Variants in PTPN1 observed in about 807,000 individuals in gnomAD.
The protein encoded by PTPN1 is protein tyrosine phosphatase non-receptor type 1, also known as tyrosine-protein phosphatase non-receptor type 1.
PTPN1 carries 12 observed loss-of-function variants against 59.9 expected under a neutral mutation model. That is an observed-to-expected ratio of 0.20 (90% CI 0.13 to 0.32). The LOEUF (loss-of-function observed/expected upper bound fraction) is 0.32. Ranked by LOEUF, PTPN1 falls within the 10% of genes least tolerant of loss-of-function variation. The pLI is 1.00. For missense variants in PTPN1, 356 were observed against 549.2 expected (o/e 0.65, Z 3.52); for synonymous variants, 178 against 203.6 (o/e 0.87, Z 1.07).
chr20:50,541,070 G>A (rs1220588041), intron 1 of PTPN1, among the ~76,000 whole-genome samples: 1 of 152,110 alleles, frequency 6.6e-6, no homozygotes, highest in Non-Finnish European at 1.5e-5. Flanking sequence ...AAAACAGTGC[G>A]ACCTGCAGGA....
At chr20:50,527,735 C>T (rs1019431992) in intron 1 of PTPN1, among the ~76,000 whole-genome samples, 2 of 152,200 alleles carry the variant, frequency 1.3e-5, no homozygotes, top group African/African-American at 2.4e-5. Flanking sequence ...TAATGCAGTT[C>T]AGTGTGGTAG....
chr20:50,534,730 C>CTT (rs113246580), intron 1 of PTPN1, among the ~76,000 whole-genome samples: 2 of 148,424 alleles, frequency 1.3e-5, no homozygotes, highest in African/African-American at 4.9e-5. Context: ...AATCCTTATC[C>CTT]TTTTTTTTTT....
chr20:50,538,276 G>A (rs1030686775), intron 1 of PTPN1, among the ~76,000 whole-genome samples: 7 of 151,884 alleles, frequency 4.6e-5, no homozygotes, highest in Non-Finnish European at 8.8e-5. Context: ...AGTATTTGGA[G>A]TTGAGAAAGC....
intron 1 of PTPN1, among the ~76,000 whole-genome samples, chr20:50,519,880 G>A (rs1328848375): frequency 6.6e-6 from 1 of 152,090 alleles, no homozygotes; most frequent in Non-Finnish European, 1.5e-5. Context: ...AAGTATGTTA[G>A]GTTATTTGTG....
At chr20:50,513,823 A>G (rs749316412) in intron 1 of PTPN1, among the ~76,000 whole-genome samples, 12 of 152,196 alleles carry the variant, frequency 7.9e-5, no homozygotes, top group Non-Finnish European at 1.3e-4. Flanking sequence ...TTTAAATACT[A>G]TTTTCTTCAG....
chr20:50,547,713 G>C (rs191014556), intron 1 of PTPN1, among the ~76,000 whole-genome samples: 54 of 152,280 alleles, frequency 3.5e-4, no homozygotes, highest in Admixed American at 3.3e-3. Flanking sequence ...TGCTTTCACT[G>C]ACAACAGTAT....
chr20:50,524,099 A>G (rs555249461), intron 1 of PTPN1, among the ~76,000 whole-genome samples: 1 of 152,250 alleles, frequency 6.6e-6, no homozygotes, highest in East Asian at 1.9e-4. Flanking sequence ...CATTACTTTT[A>G]ACCTCGACTG....
intron 1 of PTPN1, among the ~76,000 whole-genome samples, chr20:50,524,369 CA>C (rs553071668): frequency 1.7e-4 from 25 of 151,426 alleles, no homozygotes; most frequent in African/African-American, 3.6e-4. Context: ...TTGATTTGTA[CA>C]AAAAAAATTA....
intron 1 of PTPN1, among the ~76,000 whole-genome samples, chr20:50,537,366 CAG>C (rs976181714): frequency 2.0e-5 from 3 of 151,970 alleles, no homozygotes; most frequent in East Asian, 3.9e-4. Flanking sequence ...AAAAATAAAA[CAG>C]AGAGATCCCA....
chr20:50,576,500 T>C (rs2082837402), intron 5 of PTPN1, among the ~76,000 whole-genome samples: 1 of 152,210 alleles, frequency 6.6e-6, no homozygotes, highest in Non-Finnish European at 1.5e-5. Flanking sequence ...AGGGTGTCAG[T>C]GGGCGGTAAC....
At position 50,514,156 on chromosome 20, in the gene PTPN1, T is replaced by A. The variant is rs983229445; in HGVS notation, c.63+3566T>A. On this transcript the variant is annotated intron_variant, in intron 1 of 9. Coordinates refer to ENST00000371621, the MANE Select transcript of PTPN1 (RefSeq NM_002827.4). ...GACATCACTGGCATATTTATAGGAA[T>A]ACTTTGGTGTTTTTGGAAGTAAGTA... Among the ~76,000 whole-genome samples the A allele has an allele frequency of 2.0e-5, 3 of 152,260 alleles. No individual in the cohort carries two copies. The East Asian group carries it at 5.8e-4, about 29-fold the overall frequency.
At chr20:50,571,898 G>A (rs1015575640) in intron 4 of PTPN1, 24 of 152,172 alleles carry the variant, frequency 1.6e-4, no homozygotes, top group African/African-American at 5.6e-4. Context: ...TAAAGCTGCC[G>A]TTTGCTTTCA....
At chr20:50,514,363 G>C (rs1049231239) in intron 1 of PTPN1, among the ~76,000 whole-genome samples, 1 of 152,180 alleles carries the variant, frequency 6.6e-6, no homozygotes, top group African/African-American at 2.4e-5. Flanking sequence ...TTTCACAGTG[G>C]AAATGAATAA....
intron 2 of PTPN1, among the ~76,000 whole-genome samples, chr20:50,564,309 C>T (rs1471564740): frequency 6.6e-6 from 1 of 152,122 alleles, no homozygotes; most frequent in Non-Finnish European, 1.5e-5. Context: ...AAGTTTATGT[C>T]AGCCAGGCAT....
chr20:50,511,918 TAGAA>T (rs746950184), intron 1 of PTPN1, among the ~76,000 whole-genome samples: 2 of 152,176 alleles, frequency 1.3e-5, no homozygotes, highest in Non-Finnish European at 2.9e-5. Flanking sequence ...GAGCTCCGCT[TAGAA>T]AGGAAAAAAG....
At chr20:50,566,564 A>G (rs2082779925) in intron 3 of PTPN1, among the ~76,000 whole-genome samples, 1 of 152,112 alleles carries the variant, frequency 6.6e-6, no homozygotes, top group Non-Finnish European at 1.5e-5. Flanking sequence ...CCTGGACACT[A>G]TGACCGAAAC....
rs2082789176 is a variant in PTPN1 at position 50,568,348 on chromosome 20, A to G, written c.256-32A>G. 6.3e-7 allele frequency: 1 copy of G among 1,578,364 alleles called. No homozygotes were observed. Among genetic ancestry groups the G allele is most frequent in the Non-Finnish European group, 8.7e-7 (1 of 1,147,614 alleles). On this transcript the variant is annotated intron_variant, in intron 3 of 9. Coordinates refer to ENST00000371621, the MANE Select transcript of PTPN1 (RefSeq NM_002827.4). This position sits in a 1 kb window ranked among gnomAD's most constrained non-coding sequence, Gnocchi z 5.6. ...CACGCTGTAGCATGTTATGTTTCAG[A>G]TGTCACATGTTGTGTTATTGTGTCT...
chr20:50,573,271 G>A (rs1339135215), intron 4 of PTPN1: 1 of 152,286 alleles, frequency 6.6e-6, no homozygotes, highest in African/African-American at 2.4e-5. Context: ...CCCTTCTCCA[G>A]CTGCTCTTTT....
intron 1 of PTPN1, among the ~76,000 whole-genome samples, chr20:50,519,026 G>A (rs2082540469): frequency 6.6e-6 from 1 of 152,036 alleles, no homozygotes; most frequent in African/African-American, 2.4e-5. Flanking sequence ...ATGTCTTACT[G>A]ACAGTTTTTC....
Sources: gnomAD v4.1 joint callset for allele counts (sites outside exome capture counted in the v4.1 genomes callset) on GRCh38, gnomAD v4.1.1 for gene constraint, Gnocchi (gnomAD v3.1) non-coding constraint, MANE v1.5 for transcripts, NCBI Gene and HGNC (gene_info 2026-07-23, HGNC 2026-07-21) for gene names.